Variants in SMARCA4 observed in about 807,000 individuals in gnomAD.
SMARCA4 encodes SWI/SNF related BAF chromatin remodeling complex subunit ATPase 4, also known as SWI/SNF-related matrix-associated actin-dependent regulator of chromatin subfamily A member 4.
A neutral mutation model predicts 193.9 loss-of-function variants in SMARCA4; 31 were observed. That is an observed-to-expected ratio of 0.16 (90% CI 0.12 to 0.22). The LOEUF (loss-of-function observed/expected upper bound fraction) is 0.22. Among genes scored for constraint, SMARCA4 ranks in the 10% least tolerant of loss-of-function variants. SMARCA4 has a pLI of 1.00. For missense variants in SMARCA4, 1,148 were observed against 2,296.0 expected (o/e 0.50, Z 10.22); for synonymous variants, 942 against 933.1 (o/e 1.01, Z -0.17).
At position 10,984,463 on chromosome 19, in the gene SMARCA4, G is replaced by C. The variant is rs1411211614; in HGVS notation, c.222+90G>C. 1.9e-6 allele frequency: 3 copies of C among 1,546,606 alleles called. No individual in the cohort carries two copies. Among genetic ancestry groups the C allele is most frequent in the Admixed American group, 2.0e-5 (1 of 50,944 alleles). The stretch of plus-strand genomic sequence containing the variant: ...GGACCGAGGGCCTTACTTGGAGGAT[G>C]GGGGGAAGCCTTCTTGTTGGAGGTG... On this transcript the variant is annotated intron_variant, in intron 2 of 34. Transcript: ENST00000344626. This position sits in a 1 kb window ranked among gnomAD's most constrained non-coding sequence, Gnocchi z 4.3.
chr19:10,963,408 T>G lies in SMARCA4; in HGVS notation c.-32+2234T>G, dbSNP rs931946729. ...AAAAAAAAAGAAAAAGAAAGCTTGG[T>G]GCAGGACTGGGGGTGGATTGTAAGG... On this transcript the variant is annotated intron_variant, in intron 1 of 34. Transcript: ENST00000344626. Among the ~76,000 whole-genome samples, 5 of 148,402 alleles carry G rather than the reference T, an allele frequency of 3.4e-5. No individual in the cohort carries two copies. In the South Asian group the frequency reaches 8.4e-4, roughly 25 times the overall value.
intron 20 of SMARCA4, 36 bp from the exon 21 acceptor site, chr19:11,024,295 C>T (rs1407488539): frequency 6.7e-7 from 1 of 1,487,372 alleles, no homozygotes; most frequent in African/African-American, 1.4e-5. Context: ...CCTCAAGCCA[C>T]CTTGGGCCCT....
Position 11,019,921 on chromosome 19 carries a change from T to G in SMARCA4, c.2616+220T>G, listed in dbSNP as rs908873729. ...CAGGCCCTGAGTCAGGCCCAGAAGC[T>G]GGGGCCATCTACACAGCATGCGCTC... On this transcript the variant is annotated intron_variant, in intron 18 of 34. Coordinates refer to ENST00000344626, the MANE Select transcript of SMARCA4 (RefSeq NM_003072.5). This position sits in a 1 kb window ranked among gnomAD's most constrained non-coding sequence, Gnocchi z 6.1. Among the ~76,000 whole-genome samples the G allele has an allele frequency of 1.3e-5, 2 of 151,808 alleles. No homozygotes were observed. Among genetic ancestry groups the G allele is most frequent in the African/African-American group, 4.8e-5 (2 of 41,286 alleles).
chr19:11,042,659 G>T (rs1353729352), intron 30 of SMARCA4, among the ~76,000 whole-genome samples: 1 of 152,204 alleles, frequency 6.6e-6, no homozygotes, highest in Non-Finnish European at 1.5e-5. Context: ...TTAGAGGATG[G>T]TAACAATTGG....
chr19:11,003,453 C>T (rs2087856612), intron 13 of SMARCA4, 56 bp downstream of exon 13: 3 of 1,479,050 alleles, frequency 2.0e-6, no homozygotes, highest in Middle Eastern at 1.7e-4. Context: ...CAGTGACTTC[C>T]ACCCTGTGTG....
At chr19:11,015,425 A>G (rs577692423) in intron 16 of SMARCA4, among the ~76,000 whole-genome samples, 2 of 151,946 alleles carry the variant, frequency 1.3e-5, no homozygotes, top group East Asian at 1.9e-4. Context: ...ACTCTCCTTC[A>G]ATTTGGGTTT....
chr19:11,053,705 T>C (rs2076390387), intron 30 of SMARCA4, among the ~76,000 whole-genome samples: 1 of 151,914 alleles, frequency 6.6e-6, no homozygotes, highest in African/African-American at 2.4e-5. Context: ...AGCCCAGGAG[T>C]TTGAGACCAG....
At chr19:10,997,926 A>G (rs1401270364) in intron 11 of SMARCA4, among the ~76,000 whole-genome samples, 2 of 152,222 alleles carry the variant, frequency 1.3e-5, no homozygotes, top group African/African-American at 4.8e-5. Flanking sequence ...CAGCACTGTT[A>G]TCCAATCTAT....
At chr19:10,966,986 G>A (rs73011369) in intron 1 of SMARCA4, among the ~76,000 whole-genome samples, 9,029 of 152,270 alleles carry the variant, frequency 0.059, 342 homozygotes, top group South Asian at 0.11. Context: ...GAAGCCTGAG[G>A]CTGAATGGAG....
chr19:10,986,937 C>A lies in SMARCA4; in HGVS notation c.793C>A (p.Pro265Thr). The A allele has an allele frequency of 6.2e-7, 1 of 1,612,228 alleles. No individual in the cohort carries two copies. The change falls in exon 5 of 35, where the codon CCC becomes ACC. Residue 265 changes from proline (P) to threonine (T), a missense_variant. This residue lies in a region of SMARCA4 where 257 missense variants were observed against 276.5 expected (regional missense o/e 0.93). Coordinates refer to ENST00000344626, the MANE Select transcript of SMARCA4 (RefSeq NM_003072.5). This position sits in a 1 kb window ranked among gnomAD's most constrained non-coding sequence, Gnocchi z 6.7. ...AGGGCCCAACATGCCTCCCCCAGGA[C>A]CCTCGGGCGTGCCCCCCGGGATGCC... ...MGGPNMPPPG[P>T]SGVPPGMPGQ...
At chr19:11,039,318 C>T (rs1600443600) in intron 29 of SMARCA4, 1 of 519,340 alleles carries the variant, frequency 1.9e-6, no homozygotes, top group Non-Finnish European at 3.4e-6. Context: ...CGCACCACTG[C>T]ACTCCAGCCT....
intron 25 of SMARCA4, chr19:11,032,750 T>G (rs2075014769): frequency 5.0e-6 from 1 of 200,676 alleles, no homozygotes; most frequent in African/African-American, 2.3e-5. Context: ...GCCACACTCC[T>G]GGTGCTTATT....
rs1427734906 is a variant in SMARCA4 at position 10,994,995 on chromosome 19, G to A, written c.1587G>A (p.Arg529=). 7 of 1,611,558 alleles carry A rather than the reference G, an allele frequency of 4.3e-6. No homozygotes were observed. Among genetic ancestry groups the A allele is most frequent in the Non-Finnish European group, 5.9e-6 (7 of 1,178,742 alleles). ...GGATCGAGAAGGAGCGCATGCGGAGGCTCATGGTATGGTCCTGCCTTCTTG... is the reference window on the plus strand; with the variant it reads ...GGATCGAGAAGGAGCGCATGCGGAGACTCATGGTATGGTCCTGCCTTCTTG... ...NERIEKERMR[R]LMAEDEEGYR... The change falls in exon 9 of 35, where the codon AGG becomes AGA. Residue 529 remains arginine, a synonymous_variant. Transcript: ENST00000344626.
chr19:10,972,640 A>G (rs1009954343), intron 1 of SMARCA4, among the ~76,000 whole-genome samples: 2 of 152,098 alleles, frequency 1.3e-5, no homozygotes, highest in Non-Finnish European at 2.9e-5. Context: ...CTGGGCAGGT[A>G]TGGATTCTGC....
rs2075143217 is a variant in SMARCA4, at chr19:11,034,502, C to T, written c.3951+302C>T. On this transcript the variant is annotated intron_variant, in intron 28 of 34. Transcript: ENST00000344626. This position sits in a 1 kb window ranked among gnomAD's most constrained non-coding sequence, Gnocchi z 7.0. ...TGCACTCCCTTTCAGAGGGAGTTCG[C>T]CCTATCCAAGGCCAAGGGACTGACC... Among the ~76,000 whole-genome samples, 2 of 152,168 alleles carry T rather than the reference C, an allele frequency of 1.3e-5. No homozygotes were observed. Among genetic ancestry groups the T allele is most frequent in the South Asian group, 4.1e-4 (2 of 4,830 alleles).
chr19:10,963,477 A>T (rs1296169596), intron 1 of SMARCA4, among the ~76,000 whole-genome samples: 1 of 151,734 alleles, frequency 6.6e-6, no homozygotes, highest in Non-Finnish European at 1.5e-5. Flanking sequence ...TTTCCAAGCC[A>T]TTGTTTCCTG....
At chr19:11,060,553 C>CA (rs1211415921) in intron 34 of SMARCA4, 1 of 402,058 alleles carries the variant, frequency 2.5e-6, no homozygotes, top group Non-Finnish European at 4.7e-6. Context: ...GGGGACCCAC[C>CA]AGACAGTGCC....
intron 16 of SMARCA4, among the ~76,000 whole-genome samples, chr19:11,016,439 A>G (rs546947999): frequency 1.5e-4 from 23 of 152,320 alleles, no homozygotes; most frequent in African/African-American, 5.3e-4. Context: ...GAGTTGCCAA[A>G]TACATGGTTA....
At chr19:10,962,047 C>T (rs1045127378) in intron 1 of SMARCA4, among the ~76,000 whole-genome samples, 1 of 150,178 alleles carries the variant, frequency 6.7e-6, no homozygotes, top group Non-Finnish European at 1.5e-5. Context: ...AGCCGCTTCG[C>T]AGGAATTTGA....
Sources: gnomAD v4.1 joint callset for allele counts (sites outside exome capture counted in the v4.1 genomes callset) on GRCh38, gnomAD v4.1.1 for gene constraint, gnomAD v4.1.1 regional missense constraint, Gnocchi (gnomAD v3.1) non-coding constraint, MANE v1.5 for transcripts, NCBI Gene and HGNC (gene_info 2026-07-23, HGNC 2026-07-21) for gene names.